The following PHLPP1 variants were observed in gnomAD, a reference collection of about 807,000 sequenced individuals.
The protein encoded by PHLPP1 is PH domain leucine-rich repeat-containing protein phosphatase 1.
Under a neutral mutation model 117.2 loss-of-function variants are expected in PHLPP1, and 42 were observed. The ratio of observed to expected loss-of-function variants is 0.36; its 90% CI spans 0.28 to 0.46. The LOEUF is 0.46. Among genes scored for constraint, PHLPP1 ranks in the 20% least tolerant of loss-of-function variants. The probability of loss-of-function intolerance (pLI) is 1.00; values close to 1 mark genes in which losing one functional copy is unlikely to be tolerated. For missense variants in PHLPP1, 2,084 were observed against 2,241.9 expected, an observed-to-expected ratio of 0.93 and a Z score of 1.42; for synonymous variants, 1,042 against 970.7, an observed-to-expected ratio of 1.07 and a Z score of -1.37.
chr18:62,824,012 A>G (rs1478368403), intron 1 of PHLPP1, among the ~76,000 whole-genome samples: 1 of 151,998 alleles, frequency 6.6e-6, no homozygotes, highest in African/African-American at 2.4e-5. Context: ...GTTGCCTGTA[A>G]TCCCAACTAC....
intron 1 of PHLPP1, among the ~76,000 whole-genome samples, chr18:62,750,897 A>G (rs1448860812): frequency 2.0e-5 from 3 of 152,212 alleles, no homozygotes; most frequent in Non-Finnish European, 2.9e-5. Context: ...ATTCAAGTAC[A>G]ATAGAGAGTG....
At chr18:62,771,800 A>G (rs773188607) in intron 1 of PHLPP1, among the ~76,000 whole-genome samples, 2 of 152,222 alleles carry the variant, frequency 1.3e-5, no homozygotes, top group Non-Finnish European at 2.9e-5. Context: ...TCTTCTGTTA[A>G]GAATGCACAC....
At chr18:62,834,310 T>G (rs1363183718) in intron 2 of PHLPP1, among the ~76,000 whole-genome samples, 1 of 152,174 alleles carries the variant, frequency 6.6e-6, no homozygotes, top group Non-Finnish European at 1.5e-5. Context: ...CGCTCCACCT[T>G]AATTGCAAGG....
intron 4 of PHLPP1, chr18:62,889,734 C>T (rs1264048266): frequency 6.6e-6 from 1 of 152,188 alleles, no homozygotes; most frequent in Non-Finnish European, 1.5e-5. Flanking sequence ...ATTCCAGTCT[C>T]CTGCTTACTC....
intron 2 of PHLPP1, among the ~76,000 whole-genome samples, chr18:62,835,683 A>G (rs1171623211): frequency 6.6e-6 from 1 of 150,484 alleles, no homozygotes; most frequent in Non-Finnish European, 1.5e-5. Flanking sequence ...GGTTAATAGT[A>G]TGGGTGTCTT....
chr18:62,807,615 A>C (rs1913986749), intron 1 of PHLPP1, among the ~76,000 whole-genome samples: 1 of 152,126 alleles, frequency 6.6e-6, no homozygotes, highest in South Asian at 2.1e-4. Flanking sequence ...GATACAGCTT[A>C]CTCCACACCT....
At chr18:62,874,515 CA>C (rs1336735875) in intron 4 of PHLPP1, among the ~76,000 whole-genome samples, 1 of 151,890 alleles carries the variant, frequency 6.6e-6, no homozygotes, top group Non-Finnish European at 1.5e-5. Flanking sequence ...TCTCAAAAAA[CA>C]AACAAAAAAG....
At chr18:62,803,732 A>G (rs1188727605) in intron 1 of PHLPP1, among the ~76,000 whole-genome samples, 2 of 152,196 alleles carry the variant, frequency 1.3e-5, no homozygotes, top group Admixed American at 6.5e-5. Flanking sequence ...TGGATAAGTT[A>G]TAGGGTATTT....
intron 1 of PHLPP1, among the ~76,000 whole-genome samples, chr18:62,827,460 C>T (rs1025156156): frequency 6.6e-6 from 1 of 152,158 alleles, no homozygotes; most frequent in Non-Finnish European, 1.5e-5. Flanking sequence ...ACAAGGAAGT[C>T]TGTTAAAAAG....
intron 10 of PHLPP1, among the ~76,000 whole-genome samples, chr18:62,936,020 A>G (rs1385633695): frequency 6.6e-6 from 1 of 152,168 alleles, no homozygotes; most frequent in African/African-American, 2.4e-5. Flanking sequence ...AATAAAATTA[A>G]ATAAAAAGAC....
intron 4 of PHLPP1, among the ~76,000 whole-genome samples, chr18:62,862,762 A>G (rs1195021861): frequency 6.6e-6 from 1 of 152,254 alleles, no homozygotes; most frequent in Non-Finnish European, 1.5e-5. Flanking sequence ...AGAAAATTAA[A>G]AAGACATATA....
At chr18:62,815,956 G>A (rs976937508) in intron 1 of PHLPP1, among the ~76,000 whole-genome samples, 28 of 152,082 alleles carry the variant, frequency 1.8e-4, no homozygotes, top group Non-Finnish European at 3.4e-4. Flanking sequence ...ATACTCTATG[G>A]TAACCATCTT....
chr18:62,818,924 T>C (rs1390246079), intron 1 of PHLPP1, among the ~76,000 whole-genome samples: 1 of 152,216 alleles, frequency 6.6e-6, no homozygotes, highest in East Asian at 1.9e-4. Context: ...ACCAACATGA[T>C]GTCACTAAAT....
chr18:62,805,308 C>T (rs1913916361), intron 1 of PHLPP1, among the ~76,000 whole-genome samples: 1 of 148,570 alleles, frequency 6.7e-6, no homozygotes, highest in Non-Finnish European at 1.5e-5. Context: ...ATAGGTTATA[C>T]ATATACAGTG....
At chr18:62,923,741 A>G (rs1017276265) in intron 10 of PHLPP1, among the ~76,000 whole-genome samples, 1 of 152,196 alleles carries the variant, frequency 6.6e-6, no homozygotes, top group Non-Finnish European at 1.5e-5. Flanking sequence ...GAAAATTGAC[A>G]AATATCGTGT....
At chr18:62,763,930 A>T (rs1599033023) in intron 1 of PHLPP1, among the ~76,000 whole-genome samples, 1 of 152,254 alleles carries the variant, frequency 6.6e-6, no homozygotes, top group East Asian at 1.9e-4. Context: ...TGGGAGGCTG[A>T]GGCGGGTGTA....
At chr18:62,936,260 C>T (rs1368509035) in intron 10 of PHLPP1, among the ~76,000 whole-genome samples, 1 of 152,094 alleles carries the variant, frequency 6.6e-6, no homozygotes, top group African/African-American at 2.4e-5. Context: ...TAAATTCTAT[C>T]CAGCAGAATA....
intron 1 of PHLPP1, among the ~76,000 whole-genome samples, chr18:62,808,956 T>C (rs1914036769): frequency 6.6e-6 from 1 of 152,214 alleles, no homozygotes; most frequent in Non-Finnish European, 1.5e-5. Context: ...TACTAGACTT[T>C]AAGTTTTTTG....
intron 1 of PHLPP1, among the ~76,000 whole-genome samples, chr18:62,824,997 G>A (rs1444410537): frequency 6.7e-6 from 1 of 150,302 alleles, no homozygotes; most frequent in Non-Finnish European, 1.5e-5. Flanking sequence ...CACAATCTCA[G>A]CTCAGTGCAA....
Sources: gnomAD v4.1 joint callset for allele counts (sites outside exome capture counted in the v4.1 genomes callset) on GRCh38, gnomAD v4.1.1 for gene constraint, MANE v1.5 for transcripts, NCBI Gene and HGNC (gene_info 2026-07-23, HGNC 2026-07-21) for gene names.